The following ACTR3C variants were observed in gnomAD, a reference collection of about 807,000 sequenced individuals.
ACTR3C encodes the protein actin related protein 3C.
A neutral mutation model predicts 26.3 loss-of-function variants in ACTR3C; 18 were observed. The ratio of observed to expected loss-of-function variants is 0.68; its 90% CI spans 0.47 to 1.01. The LOEUF is 1.01. ACTR3C is among the 50% of genes least tolerant of loss of function. The pLI is 0.00. For missense variants in ACTR3C, 184 were observed against 250.7 expected (o/e 0.73, Z 1.80); for synonymous variants, 55 against 94.5 (o/e 0.58, Z 2.42).
the ACTR3C span, among the ~76,000 whole-genome samples, chr7:150,115,361 G>A: frequency 6.6e-6 from 1 of 152,176 alleles, no homozygotes; most frequent in Non-Finnish European, 1.5e-5. Flanking sequence ...TGGGCCACCC[G>A]GGGAGCAATG....
the ACTR3C span, among the ~76,000 whole-genome samples, chr7:150,235,370 A>T: frequency 6.6e-6 from 1 of 151,438 alleles, no homozygotes; most frequent in Non-Finnish European, 1.5e-5. Context: ...CCATTCCCAG[A>T]CTCTCTCCCA....
chr7:149,993,314 C>CG, the ACTR3C span, among the ~76,000 whole-genome samples: 1 of 152,002 alleles, frequency 6.6e-6, no homozygotes, highest in African/African-American at 2.4e-5. Flanking sequence ...AATTGGAGAG[C>CG]GGGGAGCTGG....
At chr7:149,893,205 ACCAT>A in the ACTR3C span, among the ~76,000 whole-genome samples, 3 of 152,110 alleles carry the variant, frequency 2.0e-5, no homozygotes, top group African/African-American at 7.2e-5. Flanking sequence ...CGACATCAAC[ACCAT>A]CTCCTCACTT....
At chr7:150,175,841 A>G in the ACTR3C span, among the ~76,000 whole-genome samples, 6 of 143,674 alleles carry the variant, frequency 4.2e-5, no homozygotes, top group Non-Finnish European at 5.9e-5. Context: ...AAAAAGAAAG[A>G]AAGGAAGGAA....
At chr7:149,898,205 G>C in the ACTR3C span, among the ~76,000 whole-genome samples, 5 of 152,082 alleles carry the variant, frequency 3.3e-5, no homozygotes, top group African/African-American at 1.2e-4. Context: ...CGACTGAGGT[G>C]ATCTGTAGAA....
At chr7:149,974,699 C>G in the ACTR3C span, among the ~76,000 whole-genome samples, 11 of 152,124 alleles carry the variant, frequency 7.2e-5, no homozygotes, top group African/African-American at 2.7e-4. Flanking sequence ...CCAACTTTCA[C>G]ATAGGTCTGG....
chr7:150,265,523 A>G (rs1213991587), intron 6 of ACTR3C, among the ~76,000 whole-genome samples: 2 of 152,000 alleles, frequency 1.3e-5, no homozygotes, highest in East Asian at 3.9e-4. Context: ...GTGAAACCCC[A>G]TCTCTACTAA....
chr7:149,972,887 C>A, the ACTR3C span, among the ~76,000 whole-genome samples: 148 of 143,742 alleles, frequency 1.0e-3, no homozygotes, highest in African/African-American at 3.8e-3. Flanking sequence ...AAGCCCCGTG[C>A]GTGGGCGGCA....
the ACTR3C span, among the ~76,000 whole-genome samples, chr7:150,214,811 T>A: frequency 6.6e-6 from 1 of 151,256 alleles, no homozygotes; most frequent in Admixed American, 6.6e-5. Context: ...AATAATACAG[T>A]ACATACAGGG....
chr7:150,299,572 G>C (rs1296221881), intron 1 of ACTR3C, among the ~76,000 whole-genome samples: 1 of 151,016 alleles, frequency 6.6e-6, no homozygotes, highest in Non-Finnish European at 1.5e-5. Context: ...GATCACCTGA[G>C]GTCAGGAGTT....
intron 6 of ACTR3C, among the ~76,000 whole-genome samples, chr7:150,251,951 C>T (rs546873398): frequency 5.3e-5 from 8 of 151,964 alleles, no homozygotes; most frequent in African/African-American, 1.7e-4. Context: ...GAAACCTAAC[C>T]CTGTGTTTTC....
At chr7:150,163,404 A>ATG in the ACTR3C span, among the ~76,000 whole-genome samples, 1 of 150,928 alleles carries the variant, frequency 6.6e-6, no homozygotes, top group Non-Finnish European at 1.5e-5. Flanking sequence ...GTGTGTGTGT[A>ATG]TACACATACA....
chr7:150,308,541 AT>A (rs1796006130), intron 1 of ACTR3C, among the ~76,000 whole-genome samples: 1 of 151,932 alleles, frequency 6.6e-6, no homozygotes, highest in African/African-American at 2.4e-5. Flanking sequence ...AATGCAGCTC[AT>A]CCCAAATCCT....
At chr7:149,953,839 C>T in the ACTR3C span, among the ~76,000 whole-genome samples, 2 of 138,406 alleles carry the variant, frequency 1.4e-5, no homozygotes, top group South Asian at 5.2e-4. Context: ...TTTCTAACAT[C>T]CTTTGGTATC....
the ACTR3C span, among the ~76,000 whole-genome samples, chr7:150,011,025 C>T: frequency 6.8e-6 from 1 of 146,890 alleles, no homozygotes; most frequent in African/African-American, 2.5e-5. Flanking sequence ...GTGTTTTCCT[C>T]CTTCTTTAGT....
the ACTR3C span, among the ~76,000 whole-genome samples, chr7:150,116,186 T>C: frequency 1.3e-3 from 197 of 152,364 alleles, no homozygotes; most frequent in South Asian, 0.01. Flanking sequence ...CTCCCTCTCC[T>C]AATTCAGCTA....
At chr7:150,151,932 T>C in the ACTR3C span, among the ~76,000 whole-genome samples, 8 of 136,212 alleles carry the variant, frequency 5.9e-5, no homozygotes, top group African/African-American at 1.9e-4. Flanking sequence ...TTCCAGCGTT[T>C]ATATGTTTGT....
the ACTR3C span, among the ~76,000 whole-genome samples, chr7:149,886,754 G>A: frequency 7.2e-5 from 11 of 152,176 alleles, no homozygotes; most frequent in African/African-American, 1.4e-4. Flanking sequence ...CCAGGAGTTC[G>A]AGACCAGGCT....
At chr7:150,085,331 A>C in the ACTR3C span, among the ~76,000 whole-genome samples, 1 of 152,212 alleles carries the variant, frequency 6.6e-6, no homozygotes, top group Non-Finnish European at 1.5e-5. Flanking sequence ...GGGCAGGCAG[A>C]TAAGACTTCA....
Sources: allele counts gnomAD v4.1 joint callset (sites outside exome capture counted in the v4.1 genomes callset), GRCh38; gene constraint gnomAD v4.1.1; transcripts MANE v1.5; gene names NCBI Gene and HGNC (gene_info 2026-07-23, HGNC 2026-07-21).